The following ANK3 variants were observed in gnomAD, a reference collection of about 807,000 sequenced individuals.
ANK3 encodes ankyrin-3.
ANK3 carries 57 observed loss-of-function variants against 370.9 expected under a neutral mutation model. The ratio of observed to expected loss-of-function variants is 0.15; its 90% confidence interval spans 0.12 to 0.19. The LOEUF (loss-of-function observed/expected upper bound fraction) is 0.19. Ranked by LOEUF, ANK3 falls within the 10% of genes least tolerant of loss-of-function variation. The probability of loss-of-function intolerance (pLI) is 1.00; values close to 1 mark genes in which losing one functional copy is unlikely to be tolerated. For synonymous variants in ANK3, 1,929 were observed against 1,946.3 expected (o/e 0.99, Z 0.23); for missense variants, 4,439 against 5,302.1 (o/e 0.84, Z 5.06).
intron 42 of ANK3, chr10:60,044,381 C>T: frequency 1.0e-6 from 1 of 953,264 alleles, no homozygotes; most frequent in African/African-American, 1.8e-5. Context: ...TAGCAACATA[C>T]TAGATGGAGA....
chr10:60,518,559 T>C (rs1304555652), intron 2 of ANK3, among the ~76,000 whole-genome samples: 1 of 152,134 alleles, frequency 6.6e-6, no homozygotes, highest in Non-Finnish European at 1.5e-5. Flanking sequence ...ATACCCCAAA[T>C]GAACCTTAGG....
At chr10:60,704,944 A>G (rs2079594234) in intron 1 of ANK3, among the ~76,000 whole-genome samples, 2 of 152,232 alleles carry the variant, frequency 1.3e-5, no homozygotes, top group Non-Finnish European at 2.9e-5. Context: ...CAGAGTTGGT[A>G]AAATGAAATA....
intron 1 of ANK3, among the ~76,000 whole-genome samples, chr10:60,658,718 T>C (rs2078898403): frequency 6.6e-6 from 1 of 152,086 alleles, no homozygotes; most frequent in Non-Finnish European, 1.5e-5. Flanking sequence ...TGTTTCTTTG[T>C]ATGTCTAGTG....
chr10:60,691,582 A>G (rs2079353795), intron 1 of ANK3, among the ~76,000 whole-genome samples: 1 of 152,210 alleles, frequency 6.6e-6, no homozygotes, highest in South Asian at 2.1e-4. Context: ...ATTTTGCCCT[A>G]CAGAGGGGAG....
At chr10:60,338,793 C>T (rs866095837) in intron 1 of ANK3, among the ~76,000 whole-genome samples, 1 of 152,176 alleles carries the variant, frequency 6.6e-6, no homozygotes, top group Non-Finnish European at 1.5e-5. Flanking sequence ...TCCCCCATAG[C>T]GGGAGTTTAA....
chr10:60,508,663 C>T (rs2133158187), intron 2 of ANK3: 1 of 152,648 alleles, frequency 6.6e-6, no homozygotes, highest in South Asian at 2.1e-4. Context: ...TCTCTCTAAT[C>T]ATGAAGGCAC....
chr10:60,724,078 C>T lies in ANK3; in HGVS notation c.57+9185G>A, dbSNP rs1453594804. Among the ~76,000 whole-genome samples, 6 of 128,882 alleles carry T rather than the reference C, an allele frequency of 4.7e-5. 1 individual carries two copies. The highest frequency in any genetic ancestry group is 1.7e-4 in the Admixed American group (2 of 11,862). 84.6% of individuals were successfully genotyped at this position (128,882 alleles called of 152,430 possible). On this transcript the variant is annotated intron_variant, in intron 1 of 43. Coordinates refer to the ANK3 transcript ENST00000373827. ...ACAAAAAATTAGCCAGGTGTGGTGG[C>T]GGGCGCCTGTAGTCCCAGCTACTCG... is the stretch of plus-strand genomic sequence containing the variant.
chr10:60,068,726 T>A lies in ANK3; in HGVS notation c.12155A>T (p.Lys4052Met). 1.2e-6 allele frequency: 2 copies of A among 1,614,188 alleles called. No individual in the cohort carries two copies. The highest frequency in any genetic ancestry group is 2.2e-5 in the South Asian group (2 of 91,086). Residue 4052 changes from lysine (K) to methionine (M), a missense_variant, in exon 37 of 44, where the codon AAG becomes ATG. Lys to Met is a moderately conservative substitution (Grantham distance 95). Coordinates refer to ENST00000280772, the MANE Select transcript of ANK3 (RefSeq NM_020987.5). ...SRGGQPSVTT[K>M]SARDKKTEAA... ...CTCTGTTTTCTTATCTCTAGCAGAC[T>A]TCGTTGTAACCGAAGGCTGGCCACC...
At chr10:60,532,322 A>C (rs1209784435) in intron 2 of ANK3, among the ~76,000 whole-genome samples, 1 of 152,054 alleles carries the variant, frequency 6.6e-6, no homozygotes, top group Non-Finnish European at 1.5e-5. Flanking sequence ...GCACTCTTTC[A>C]TTTACACAAC....
At chr10:60,269,663 A>G (rs2097937378) in intron 5 of ANK3, among the ~76,000 whole-genome samples, 1 of 131,284 alleles carries the variant, frequency 7.6e-6, no homozygotes, top group East Asian at 2.5e-4. Flanking sequence ...CCCCCCAAAA[A>G]AAGTACCATA....
chr10:60,425,670 A>G (rs1373479113), intron 2 of ANK3, among the ~76,000 whole-genome samples: 1 of 152,140 alleles, frequency 6.6e-6, no homozygotes, highest in Non-Finnish European at 1.5e-5. Context: ...TGCCTAAAAA[A>G]TACATAGCAA....
chr10:60,551,428 C>A (rs191636737), intron 2 of ANK3, among the ~76,000 whole-genome samples: 7 of 152,188 alleles, frequency 4.6e-5, no homozygotes, highest in African/African-American at 7.2e-5. Context: ...GTACACACTG[C>A]TGACTTTTGG....
chr10:60,304,148 T>C (rs896375880), intron 1 of ANK3, among the ~76,000 whole-genome samples: 1 of 152,064 alleles, frequency 6.6e-6, no homozygotes, highest in Non-Finnish European at 1.5e-5. Context: ...GTTTCAGTTA[T>C]GAAAAATGAA....
Position 60,733,195 on chromosome 10 carries a change from G to T in ANK3, c.57+68C>A, listed in dbSNP as rs2080051105. The T allele has an allele frequency of 3.3e-6, 4 of 1,217,644 alleles. No homozygotes were observed. The South Asian group carries it at 1.6e-4, about 49-fold the overall frequency. The allele number at this position is 1,217,644 out of a possible 1,614,324, so 75.4% of individuals were successfully genotyped here. A position where few individuals can be genotyped will look rare whatever the true frequency, so the allele number is the denominator to read the frequency against. ...TGGGGCCCCCCGGCCCGGGCCTCCC[G>T]CCCGCCCGGGTCCCCGCATGCCCCT... On this transcript the variant is annotated intron_variant, in intron 1 of 43. Transcript: ENST00000373827.
chr10:60,223,040 C>T (rs2097088081), intron 8 of ANK3, among the ~76,000 whole-genome samples: 1 of 152,184 alleles, frequency 6.6e-6, no homozygotes, highest in South Asian at 2.1e-4. Flanking sequence ...TCTAGTCAAG[C>T]TTCTCTGAAT....
chr10:60,247,091 A>T (rs1288955493), intron 7 of ANK3, among the ~76,000 whole-genome samples: 1 of 151,972 alleles, frequency 6.6e-6, no homozygotes, highest in Non-Finnish European at 1.5e-5. Context: ...TCTCGGCTCA[A>T]TGCAAGCTCT....
chr10:60,036,788 G>T (rs10821660), intron 43 of ANK3, among the ~76,000 whole-genome samples: 25,578 of 151,844 alleles, frequency 0.17, 2,577 homozygotes, highest in Admixed American at 0.25. Context: ...CAACTTTTGA[G>T]CCCCTTCTTG....
intron 1 of ANK3, among the ~76,000 whole-genome samples, chr10:60,346,905 T>C (rs1239246367): frequency 6.6e-6 from 1 of 151,986 alleles, no homozygotes; most frequent in Non-Finnish European, 1.5e-5. Flanking sequence ...TATTACGTCA[T>C]GTTGTTTAGG....
chr10:60,221,226 C>A (rs2097050729), intron 8 of ANK3, among the ~76,000 whole-genome samples: 1 of 151,940 alleles, frequency 6.6e-6, no homozygotes, highest in South Asian at 2.1e-4. Flanking sequence ...ATTACAGGCG[C>A]CTGCCACCAC....
Sources: allele counts gnomAD v4.1 joint callset (sites outside exome capture counted in the v4.1 genomes callset), GRCh38; gene constraint gnomAD v4.1.1; transcripts MANE v1.5; gene names NCBI Gene and HGNC (gene_info 2026-07-23, HGNC 2026-07-21).